The following FRAS1 variants were observed in gnomAD, a reference collection of about 807,000 sequenced individuals.
FRAS1 encodes the protein Fraser extracellular matrix complex subunit 1.
FRAS1 carries 290 observed loss-of-function variants against 435.2 expected under a neutral mutation model. That is an observed-to-expected ratio of 0.67 (90% CI 0.61 to 0.73). The LOEUF (loss-of-function observed/expected upper bound fraction) is 0.73, where lower values mean the gene tolerates loss of function less well. Among genes scored for constraint, FRAS1 ranks in the 30% least tolerant of loss-of-function variants. The pLI is 0.00. For synonymous variants in FRAS1, 1,800 were observed against 1,851.0 expected, an observed-to-expected ratio of 0.97 and a Z score of 0.71; for missense variants, 4,860 against 5,001.5, an observed-to-expected ratio of 0.97 and a Z score of 0.85.
chr4:78,528,022 G>A (rs529964041), intron 70 of FRAS1, among the ~76,000 whole-genome samples: 1 of 152,188 alleles, frequency 6.6e-6, no homozygotes, highest in East Asian at 1.9e-4. Context: ...AATGGAAGCA[G>A]GTGAAAGGAG....
chr4:78,503,655 A>G (rs1336012786), intron 61 of FRAS1, among the ~76,000 whole-genome samples: 4 of 152,226 alleles, frequency 2.6e-5, no homozygotes, highest in African/African-American at 7.2e-5. Flanking sequence ...TGATCTTTTC[A>G]AAAAACCAGC....
intron 64 of FRAS1, among the ~76,000 whole-genome samples, chr4:78,512,794 G>T (rs1222519430): frequency 1.3e-5 from 2 of 152,218 alleles, no homozygotes; most frequent in East Asian, 3.8e-4. Context: ...TGAGGCTGGC[G>T]GGGCTGGACA....
At chr4:78,220,557 T>C (rs1290268790) in intron 2 of FRAS1, among the ~76,000 whole-genome samples, 1 of 152,248 alleles carries the variant, frequency 6.6e-6, no homozygotes, top group African/African-American at 2.4e-5. Context: ...AGCTACAGTC[T>C]TGTTCTTACC....
rs11315732 is a variant in FRAS1, at chr4:78,384,907, CAAA to C, written c.3648+784_3648+786del. On this transcript the variant is annotated intron_variant, in intron 28 of 73. Transcript: ENST00000512123. ...TGAGCAACACAGTGAGACCCTGTCT[CAAA>C]AAAAAAAAAAAAAAAAAAAGACTGT... is the stretch of plus-strand genomic sequence containing the variant. Among the ~76,000 whole-genome samples the C allele has an allele frequency of 2.1e-3, 209 of 101,728 alleles. 1 individual carries two copies. The highest frequency in any genetic ancestry group is 4.1e-3 in the African/African-American group (96 of 23,370). The allele number at this position is 101,728 out of a possible 152,430, so 66.7% of individuals were successfully genotyped here.
chr4:78,337,855 G>A (rs1730237805), intron 20 of FRAS1, 38 bp downstream of exon 20: 3 of 1,611,926 alleles, frequency 1.9e-6, no homozygotes, highest in Non-Finnish European at 2.5e-6. Flanking sequence ...GAAATCACTG[G>A]GCAGCTGCCG....
intron 73 of FRAS1, among the ~76,000 whole-genome samples, chr4:78,540,060 G>T (rs1003185625): frequency 1.3e-5 from 2 of 152,174 alleles, no homozygotes; most frequent in Non-Finnish European, 2.9e-5. Flanking sequence ...TGTTTGTCAC[G>T]TATCTGTGTA....
chr4:78,079,579 T>C (rs1294001665), intron 2 of FRAS1, among the ~76,000 whole-genome samples: 1 of 152,174 alleles, frequency 6.6e-6, no homozygotes, highest in Non-Finnish European at 1.5e-5. Context: ...CTGAGGTATA[T>C]ATGCGTTCAC....
chr4:78,146,072 G>A (rs1264183848), intron 2 of FRAS1, among the ~76,000 whole-genome samples: 1 of 152,088 alleles, frequency 6.6e-6, no homozygotes, highest in Admixed American at 6.6e-5. Flanking sequence ...GGCAGCATGA[G>A]AATGGACTAC....
chr4:78,470,953 G>A (rs1187455578), intron 51 of FRAS1, among the ~76,000 whole-genome samples: 1 of 152,140 alleles, frequency 6.6e-6, no homozygotes, highest in Non-Finnish European at 1.5e-5. Flanking sequence ...ATGGGAGGCT[G>A]GGAAATAGCA....
chr4:78,321,254 G>A (rs1306845298), intron 18 of FRAS1, among the ~76,000 whole-genome samples: 1 of 152,164 alleles, frequency 6.6e-6, no homozygotes, highest in South Asian at 2.1e-4. Flanking sequence ...TTGTCCAGGA[G>A]CAGAAACTGA....
At position 78,103,565 on chromosome 4, in the gene FRAS1, T is replaced by C. The variant is rs867198469; in HGVS notation, c.108+37549T>C. Reference sequence around the variant, plus strand: ...TGCTTGTGTCCCTCCAGAATTCAGATGTTGAAATCCTAACTCCTAAGGTAA... The same window carrying C: ...TGCTTGTGTCCCTCCAGAATTCAGACGTTGAAATCCTAACTCCTAAGGTAA... On this transcript the variant is annotated intron_variant, in intron 2 of 73. Coordinates refer to ENST00000512123, the MANE Select transcript of FRAS1 (RefSeq NM_025074.7). Among the ~76,000 whole-genome samples, 6 of 152,276 alleles carry C rather than the reference T, an allele frequency of 3.9e-5. No individual in the cohort carries two copies. In the South Asian group the frequency reaches 1.2e-3, roughly 32 times the overall value.
rs534611811 is a variant in FRAS1 at position 78,279,797 on chromosome 4, C to T, written c.1071+1053C>T. ...AAAATATGCCAGTTGATCATAAAAA[C>T]AACTGCTTCTTTGACCAGTCAGAAT... On this transcript the variant is annotated intron_variant, in intron 10 of 73. Coordinates refer to ENST00000512123, the MANE Select transcript of FRAS1 (RefSeq NM_025074.7). 3.5e-4 allele frequency among the ~76,000 whole-genome samples: 54 copies of T among 152,202 alleles called. 1 individual carries two copies. The highest frequency in any genetic ancestry group is 1.1e-3 in the African/African-American group (44 of 41,528).
At chr4:78,410,397 A>G (rs929056422) in intron 31 of FRAS1, among the ~76,000 whole-genome samples, 2 of 151,032 alleles carry the variant, frequency 1.3e-5, no homozygotes, top group African/African-American at 4.8e-5. Context: ...CATATATGGA[A>G]AAAAATAAAA....
intron 19 of FRAS1, among the ~76,000 whole-genome samples, chr4:78,335,052 A>G (rs1488398743): frequency 6.6e-6 from 1 of 152,070 alleles, no homozygotes; most frequent in Admixed American, 6.5e-5. Flanking sequence ...GAGTCACTGT[A>G]TCTGGCTCCA....
intron 15 of FRAS1, among the ~76,000 whole-genome samples, chr4:78,312,348 T>C (rs1307820926): frequency 1.3e-5 from 2 of 152,008 alleles, no homozygotes; most frequent in African/African-American, 2.4e-5. Context: ...CTATAAGATA[T>C]AGAAATTTCT....
chr4:78,105,833 G>T (rs1357140066), intron 2 of FRAS1, among the ~76,000 whole-genome samples: 1 of 149,084 alleles, frequency 6.7e-6, no homozygotes, highest in Admixed American at 6.7e-5. Context: ...TCCATCTGAG[G>T]TACCGGGTTC....
chr4:78,167,057 G>A (rs1262843210), intron 2 of FRAS1, among the ~76,000 whole-genome samples: 2 of 152,170 alleles, frequency 1.3e-5, no homozygotes, highest in African/African-American at 2.4e-5. Context: ...AGCCCATTGC[G>A]TAGTGCATTT....
At chr4:78,455,124 C>T (rs548773540) in intron 47 of FRAS1, among the ~76,000 whole-genome samples, 117 of 152,262 alleles carry the variant, frequency 7.7e-4, no homozygotes, top group Admixed American at 1.8e-3. Flanking sequence ...TCTGAGGGGC[C>T]CCTCCCCGTG....
At chr4:78,258,627 T>TC (rs951607327) in intron 6 of FRAS1, among the ~76,000 whole-genome samples, 3 of 148,548 alleles carry the variant, frequency 2.0e-5, no homozygotes, top group African/African-American at 2.4e-5. Flanking sequence ...TCTTTTCTTT[T>TC]TTTTTTTTTA....
Sources: gnomAD v4.1 joint callset for allele counts (sites outside exome capture counted in the v4.1 genomes callset) on GRCh38, gnomAD v4.1.1 for gene constraint, MANE v1.5 for transcripts, NCBI Gene and HGNC (gene_info 2026-07-23, HGNC 2026-07-21) for gene names.